Variants in CCDC178 observed in about 807,000 individuals in gnomAD.
CCDC178 encodes coiled-coil domain containing 178.
In CCDC178, 126 loss-of-function variants were observed where a neutral mutation model predicts 117.4. The ratio of observed to expected loss-of-function variants is 1.07; its 90% CI spans 0.93 to 1.24. The LOEUF (loss-of-function observed/expected upper bound fraction) is 1.24, where lower values mean the gene tolerates loss of function less well. Ranked by LOEUF, CCDC178 falls within the 50% of genes most tolerant of loss-of-function variation. The pLI is 0.00. For synonymous variants in CCDC178, 283 were observed against 313.4 expected (o/e 0.90, Z 1.02); for missense variants, 1,030 against 986.9 (o/e 1.04, Z -0.59).
intron 12 of CCDC178, among the ~76,000 whole-genome samples, chr18:33,279,694 T>C (rs2059996735): frequency 6.6e-6 from 1 of 152,170 alleles, no homozygotes; most frequent in Non-Finnish European, 1.5e-5. Context: ...GCTACCTGAC[T>C]TCAAACTATA....
chr18:33,256,917 C>T (rs559393692), intron 14 of CCDC178, among the ~76,000 whole-genome samples: 9 of 152,042 alleles, frequency 5.9e-5, no homozygotes, highest in African/African-American at 2.2e-4. Context: ...TTGTTTTGTT[C>T]CCATTAACTA....
chr18:33,053,965 A>G (rs1401938998), intron 21 of CCDC178, among the ~76,000 whole-genome samples: 3 of 152,208 alleles, frequency 2.0e-5, no homozygotes, highest in Non-Finnish European at 4.4e-5. Context: ...ATGTTAAAAT[A>G]TAGTTTTCAT....
Position 33,226,867 on chromosome 18 carries a change from G to A in CCDC178, c.1594-12C>T. 6.7e-7 allele frequency: 1 copy of A among 1,481,772 alleles called. No homozygotes were observed. Among genetic ancestry groups the A allele is most frequent in the Non-Finnish European group, 9.1e-7 (1 of 1,096,280 alleles). 91.8% of individuals were successfully genotyped at this position (1,481,772 alleles called of 1,614,324 possible). A position where few individuals can be genotyped will look rare whatever the true frequency, so the allele number is the denominator to read the frequency against. On this transcript the variant is annotated splice_polypyrimidine_tract_variant and intron_variant, in intron 15 of 22. Coordinates refer to ENST00000383096, the MANE Select transcript of CCDC178 (RefSeq NM_001105528.4). ...AATTCTTCTCTACCCTATATGTTAG[G>A]AAATTTTTAAAATGAGGATTTTCTT...
At chr18:33,183,151 C>CT (rs1011988387) in intron 20 of CCDC178, among the ~76,000 whole-genome samples, 5 of 151,860 alleles carry the variant, frequency 3.3e-5, no homozygotes, top group Admixed American at 1.3e-4. Context: ...TTCAGGGGCT[C>CT]TTTTTTTGTT....
chr18:33,001,039 A>T (rs2055619978), intron 21 of CCDC178, among the ~76,000 whole-genome samples: 1 of 152,230 alleles, frequency 6.6e-6, no homozygotes, highest in Non-Finnish European at 1.5e-5. Flanking sequence ...AATAAGATAT[A>T]AATAGAAACA....
chr18:33,308,032 T>A (rs891360718), intron 11 of CCDC178, among the ~76,000 whole-genome samples: 1 of 152,166 alleles, frequency 6.6e-6, no homozygotes, highest in African/African-American at 2.4e-5. Flanking sequence ...TCCCACAGGG[T>A]TGCCACTGGG....
intron 20 of CCDC178, among the ~76,000 whole-genome samples, chr18:33,142,440 G>C (rs906955498): frequency 2.0e-5 from 3 of 152,146 alleles, no homozygotes; most frequent in African/African-American, 7.2e-5. Flanking sequence ...ATAAAATGAG[G>C]AAGAGAGAAG....
intron 20 of CCDC178, among the ~76,000 whole-genome samples, chr18:33,162,563 T>C (rs1235439001): frequency 2.0e-5 from 3 of 152,180 alleles, no homozygotes; most frequent in East Asian, 3.9e-4. Flanking sequence ...AGTTATTTTT[T>C]CTGATCCTCT....
intron 11 of CCDC178, among the ~76,000 whole-genome samples, chr18:33,302,832 T>C (rs998982960): frequency 6.6e-6 from 1 of 151,890 alleles, no homozygotes; most frequent in Admixed American, 6.6e-5. Flanking sequence ...GAAGTAAAAA[T>C]TGAAACAGAG....
intron 22 of CCDC178, among the ~76,000 whole-genome samples, chr18:32,972,979 A>G (rs189459202): frequency 1.3e-5 from 2 of 152,194 alleles, no homozygotes; most frequent in East Asian, 1.9e-4. Flanking sequence ...ATACAATCCA[A>G]CCTTGCTGCT....
intron 20 of CCDC178, among the ~76,000 whole-genome samples, chr18:33,167,629 C>T (rs962808482): frequency 2.0e-5 from 3 of 151,926 alleles, no homozygotes; most frequent in East Asian, 1.9e-4. Flanking sequence ...TTTGGGAGGT[C>T]GAGGCAGGTG....
At chr18:32,949,747 T>C (rs1365742112) in intron 22 of CCDC178, among the ~76,000 whole-genome samples, 1 of 152,204 alleles carries the variant, frequency 6.6e-6, no homozygotes, top group East Asian at 1.9e-4. Context: ...TTTTCTGGTA[T>C]TTTTTGCATT....
intron 21 of CCDC178, among the ~76,000 whole-genome samples, chr18:32,994,744 T>C (rs1257798374): frequency 6.6e-6 from 1 of 152,214 alleles, no homozygotes; most frequent in Non-Finnish European, 1.5e-5. Flanking sequence ...TAATTAATTA[T>C]GGCCATCTGG....
chr18:33,218,171 C>A (rs554781856), intron 18 of CCDC178, among the ~76,000 whole-genome samples: 1 of 151,202 alleles, frequency 6.6e-6, no homozygotes, highest in East Asian at 1.9e-4. Flanking sequence ...ACCAACAAAT[C>A]CTATTGGAAC....
intron 22 of CCDC178, among the ~76,000 whole-genome samples, chr18:32,970,814 G>A (rs2054908627): frequency 6.6e-6 from 1 of 151,938 alleles, no homozygotes; most frequent in Admixed American, 6.6e-5. Flanking sequence ...TTCCAGAAAG[G>A]AGGACAAGCT....
rs71159828 is a variant in CCDC178 at position 33,388,519 on chromosome 18, A to ATTTTTTTTTTTTTTTTT, written c.208+1004_208+1020dup. Among the ~76,000 whole-genome samples the ATTTTTTTTTTTTTTTTT allele has an allele frequency of 2.3e-3, 151 of 65,264 alleles. 36 individuals carry two copies. Among genetic ancestry groups the ATTTTTTTTTTTTTTTTT allele is most frequent in the African/African-American group, 7.7e-3 (122 of 15,858 alleles). The allele number at this position is 65,264 out of a possible 152,430, so 42.8% of individuals were successfully genotyped here. ...AAATGTGGTACATATACACCACGGA[A>ATTTTTTTTTTTTTTTTT]TTTTTTTTTTTTTTTTTTGAGACGG... On this transcript the variant is annotated intron_variant, in intron 5 of 22. Coordinates refer to ENST00000383096, the MANE Select transcript of CCDC178 (RefSeq NM_001105528.4).
At chr18:33,195,143 G>C (rs1418482225) in intron 20 of CCDC178, among the ~76,000 whole-genome samples, 1 of 149,760 alleles carries the variant, frequency 6.7e-6, no homozygotes, top group South Asian at 2.1e-4. Context: ...GAGAGAGAGA[G>C]AGAAGAAAAA....
intron 21 of CCDC178, among the ~76,000 whole-genome samples, chr18:33,000,682 TGAAG>T (rs1568209348): frequency 6.6e-6 from 1 of 152,312 alleles, no homozygotes; most frequent in East Asian, 1.9e-4. Flanking sequence ...TTTAAATTGC[TGAAG>T]GAAAGAAGCT....
At chr18:33,309,921 TTTTTC>T (rs893546644) in intron 11 of CCDC178, among the ~76,000 whole-genome samples, 5 of 151,704 alleles carry the variant, frequency 3.3e-5, no homozygotes, top group African/African-American at 1.2e-4. Context: ...GATTGTTTTT[TTTTTC>T]TTTTTTCTTT....
Sources: allele counts gnomAD v4.1 joint callset (sites outside exome capture counted in the v4.1 genomes callset), GRCh38; gene constraint gnomAD v4.1.1; transcripts MANE v1.5; gene names NCBI Gene and HGNC (gene_info 2026-07-23, HGNC 2026-07-21).